Variants in MPHOSPH10 observed in about 807,000 individuals in gnomAD.
The protein encoded by MPHOSPH10 is M-phase phosphoprotein 10.
MPHOSPH10 carries 33 observed loss-of-function variants against 77.3 expected under a neutral mutation model. The observed-to-expected ratio is 0.43, with a 90% CI of 0.32 to 0.57. MPHOSPH10 has a LOEUF of 0.57. Among genes scored for constraint, MPHOSPH10 ranks in the 20% least tolerant of loss-of-function variants. The pLI is 0.07. For synonymous variants in MPHOSPH10, 245 were observed against 268.0 expected (o/e 0.91, Z 0.84); for missense variants, 708 against 780.1 (o/e 0.91, Z 1.10).
chr2:71,140,091 G>T (rs72905527), intron 6 of MPHOSPH10, among the ~76,000 whole-genome samples: 1 of 152,100 alleles, frequency 6.6e-6, no homozygotes, highest in Non-Finnish European at 1.5e-5. Context: ...ATCCTTTCTC[G>T]TGAGTCTTGC....
In MPHOSPH10 at chr2:71,139,778, C is replaced by T. The variant is rs375625954; in HGVS notation, c.1241-17C>T. ...AGTGGATATCTACCTAATGAATAAA[C>T]GTTGTATATCCTTTAGCACCTGTGA... On this transcript the variant is annotated splice_polypyrimidine_tract_variant and intron_variant, in intron 5 of 10. Transcript: ENST00000244230. 12 of 1,577,896 alleles carry T rather than the reference C, an allele frequency of 7.6e-6. No homozygotes were observed. Among genetic ancestry groups the T allele is most frequent in the African/African-American group, 5.4e-5 (4 of 74,216 alleles).
chr2:71,130,637 C>A lies in MPHOSPH10; in HGVS notation c.-29C>A. On this transcript the variant is annotated 5_prime_UTR_variant, in exon 1 of 11. It adds an upstream start codon to the 5' untranslated region. Coordinates refer to ENST00000244230, the MANE Select transcript of MPHOSPH10 (RefSeq NM_005791.3). ...CCGGGCGGCTCCCTTCCCTTGCATG[C>A]TGCATTGTGTCGGGAGTTGCTGACA... is the stretch of plus-strand genomic sequence containing the variant. 6.3e-7 allele frequency: 1 copy of A among 1,589,986 alleles called. No individual in the cohort carries two copies. Among genetic ancestry groups the A allele is most frequent in the Non-Finnish European group, 8.6e-7 (1 of 1,166,538 alleles).
In MPHOSPH10 at chr2:71,143,777, A is replaced by G. The variant is rs1445258863; in HGVS notation, c.1447-651A>G. 3.3e-5 allele frequency among the ~76,000 whole-genome samples: 5 copies of G among 152,278 alleles called. No individual in the cohort carries two copies. The East Asian group carries it at 7.7e-4, about 24-fold the overall frequency. ...TGTGTTTTCAAGACTGGCATTTGTC[A>G]GTGCTTCATTTCTTTTTTATGGTTA... On this transcript the variant is annotated intron_variant, in intron 7 of 10. Coordinates refer to ENST00000244230, the MANE Select transcript of MPHOSPH10 (RefSeq NM_005791.3).
chr2:71,137,615 C>T (rs11886819), intron 4 of MPHOSPH10, among the ~76,000 whole-genome samples: 41,297 of 143,942 alleles, frequency 0.29, 6,036 homozygotes, highest in Admixed American at 0.39. Context: ...GCTGAGATCA[C>T]GCAACTGCTC....
rs1161662619 is a variant in MPHOSPH10 at position 71,130,693 on chromosome 2, A to T, written c.28A>T (p.Thr10Ser). ...GGCGCCGCAGGTCTGGCGTCGACGG[A>T]CCCTGGAGCGGTGTCTGACGGAAGT... MAPQVWRRR[T>S]LERCLTEVGK... The change falls in exon 1 of 11, where the codon ACC becomes TCC. Residue 10 changes from threonine to serine, a missense_variant. Physicochemically the swap from Thr to Ser is moderately conservative, Grantham distance 58. Around this residue, in one of 3 missense-constraint regions of MPHOSPH10, gnomAD observed 433 missense variants for 432.6 expected, o/e 1.00. Transcript: ENST00000244230. 2.5e-6 allele frequency: 4 copies of T among 1,610,432 alleles called. No individual in the cohort carries two copies. In the Admixed American group the frequency reaches 5.0e-5, roughly 20 times the overall value.
chr2:71,132,473 C>A (rs527428767), intron 1 of MPHOSPH10, among the ~76,000 whole-genome samples: 47 of 152,236 alleles, frequency 3.1e-4, no homozygotes, highest in Admixed American at 1.1e-3. Flanking sequence ...TGTTTCCCAA[C>A]CTTTATAAGA....
intron 2 of MPHOSPH10, 72 bp downstream of exon 2, chr2:71,133,648 T>C: frequency 7.1e-7 from 1 of 1,402,112 alleles, no homozygotes; most frequent in Non-Finnish European, 9.7e-7. Flanking sequence ...TAGGAGAGAT[T>C]TAATTGTAGT....
chr2:71,149,241 G>A lies in MPHOSPH10; in HGVS notation c.1684G>A (p.Asp562Asn). The change falls in exon 10 of 11, where the codon GAT (aspartate) becomes AAT (asparagine). Residue 562 changes from aspartate to asparagine, a missense_variant. Physicochemically the swap from Asp to Asn is conservative, Grantham distance 23. This residue lies in a region of MPHOSPH10 where 263 missense variants were observed against 320.0 expected (regional missense o/e 0.82). Coordinates refer to ENST00000244230, the MANE Select transcript of MPHOSPH10 (RefSeq NM_005791.3). The stretch of plus-strand genomic sequence containing the variant: ...TTAATAGGAGAAAAATAAAGCTGGA[G>A]ATATAAAAACAGCTGCTGAAAAAAC... ...EEIKEKNKAG[D>N]IKTAAEKTAT... The A allele has an allele frequency of 6.4e-7, 1 of 1,570,070 alleles. No homozygotes were observed. The highest frequency in any genetic ancestry group is 8.6e-7 in the Non-Finnish European group (1 of 1,159,316).
In MPHOSPH10 at chr2:71,141,363, C is replaced by G. The variant is rs762751423; in HGVS notation, c.1440C>G (p.Leu480=). ...AEIYEQEYIK[L]NQQKTAEEEN... ...TTTATGAACAGGAGTACATCAAACTCAACCAGGTGAGGAAGCCTGTAAGGC... is the reference window on the plus strand; with the variant it reads ...TTTATGAACAGGAGTACATCAAACTGAACCAGGTGAGGAAGCCTGTAAGGC... The change falls in exon 7 of 11, where the codon CTC becomes CTG. Residue 480 remains leucine, a synonymous_variant. Coordinates refer to ENST00000244230, the MANE Select transcript of MPHOSPH10 (RefSeq NM_005791.3). 1.3e-6 allele frequency: 2 copies of G among 1,533,864 alleles called. No individual in the cohort carries two copies. The highest frequency in any genetic ancestry group is 2.6e-5 in the South Asian group (2 of 76,434).
At chr2:71,140,102 T>G (rs1042347792) in intron 6 of MPHOSPH10, among the ~76,000 whole-genome samples, 10 of 152,228 alleles carry the variant, frequency 6.6e-5, no homozygotes, top group Non-Finnish European at 1.5e-4. Context: ...TGAGTCTTGC[T>G]GACCTTTTGG....
At chr2:71,138,982 C>T (rs1309445222) in intron 5 of MPHOSPH10, 17 of 533,764 alleles carry the variant, frequency 3.2e-5, no homozygotes, top group Non-Finnish European at 5.4e-5. Flanking sequence ...TGCAGTGAGC[C>T]AAGGTTGTGC....
rs776516232 is a variant in MPHOSPH10, at chr2:71,141,382, G to A, written c.1446+13G>A. ...CAAACTCAACCAGGTGAGGAAGCCT[G>A]TAAGGCCAAGCCATTATTATTAAAG... is the stretch of plus-strand genomic sequence containing the variant. On this transcript the variant is annotated intron_variant, in intron 7 of 10. Coordinates refer to ENST00000244230, the MANE Select transcript of MPHOSPH10 (RefSeq NM_005791.3). 6.0e-6 allele frequency: 9 copies of A among 1,489,088 alleles called. No individual in the cohort carries two copies. The highest frequency in any genetic ancestry group is 1.5e-5 in the South Asian group (1 of 68,450). 92.2% of individuals were successfully genotyped at this position (1,489,088 alleles called of 1,614,324 possible).
At position 71,130,701 on chromosome 2, in the gene MPHOSPH10, G is replaced by A. The variant is rs760489505; in HGVS notation, c.36G>A (p.Glu12=). 5.0e-6 allele frequency: 8 copies of A among 1,611,082 alleles called. No individual in the cohort carries two copies. Among genetic ancestry groups the A allele is most frequent in the Non-Finnish European group, 6.8e-6 (8 of 1,179,364 alleles). The change falls in exon 1 of 11, where the codon GAG becomes GAA. Residue 12 remains glutamate (E), a synonymous_variant. Transcript: ENST00000244230. Reference sequence around the variant, plus strand: ...AGGTCTGGCGTCGACGGACCCTGGAGCGGTGTCTGACGGAAGTCGGCAAAG... The same window carrying A: ...AGGTCTGGCGTCGACGGACCCTGGAACGGTGTCTGACGGAAGTCGGCAAAG... ...APQVWRRRTL[E]RCLTEVGKAT...
At chr2:71,130,828 T>C in intron 1 of MPHOSPH10, 74 bp downstream of exon 1, 1 of 1,405,282 alleles carries the variant, frequency 7.1e-7, no homozygotes, top group Non-Finnish European at 9.8e-7. Flanking sequence ...CTCCGGCAAA[T>C]TGTGGAGCTG....
intron 1 of MPHOSPH10, 168 bp downstream of exon 1, chr2:71,130,922 T>G: frequency 3.2e-6 from 2 of 622,576 alleles, no homozygotes; most frequent in East Asian, 2.9e-5. Flanking sequence ...TTTTAAAAAC[T>G]GTTAAAATTT....
Position 71,149,244 on chromosome 2 carries a change from A to C in MPHOSPH10, c.1687A>C (p.Ile563Leu). The C allele has an allele frequency of 6.3e-7, 1 of 1,575,046 alleles. No homozygotes were observed. The highest frequency in any genetic ancestry group is 1.2e-5 in the South Asian group (1 of 85,240). The change falls in exon 10 of 11, where the codon ATA becomes CTA. Residue 563 changes from isoleucine to leucine, a missense_variant. This residue lies in a region of MPHOSPH10 where 263 missense variants were observed against 320.0 expected (regional missense o/e 0.82). Transcript: ENST00000244230. ...ATAGGAGAAAAATAAAGCTGGAGAT[A>C]TAAAAACAGCTGCTGAAAAAACAGC... Reference protein sequence around the residue: ...EIKEKNKAGDIKTAAEKTATD... With the variant: ...EIKEKNKAGDLKTAAEKTATD...
At position 71,141,309 on chromosome 2, in the gene MPHOSPH10, T is replaced by A; in HGVS notation, c.1386T>A (p.His462Gln). The change falls in exon 7 of 11, where the codon CAT becomes CAA. Residue 462 changes from histidine (H) to glutamine (Q), a missense_variant. Around this residue, in one of 3 missense-constraint regions of MPHOSPH10, gnomAD observed 263 missense variants for 320.0 expected, o/e 0.82. Transcript: ENST00000244230. ...YEYKKRLTLD[H>Q]EKSKLSLAEI... Reference sequence around the variant, plus strand: ...ATAAAAAGCGTTTAACCTTAGACCATGAGAAGAGTAAATTGAGCCTTGCTG... The same window carrying A: ...ATAAAAAGCGTTTAACCTTAGACCAAGAGAAGAGTAAATTGAGCCTTGCTG... 1 of 1,571,196 alleles carries A rather than the reference T, an allele frequency of 6.4e-7. No individual in the cohort carries two copies. Among genetic ancestry groups the A allele is most frequent in the Non-Finnish European group, 8.6e-7 (1 of 1,160,062 alleles).
chr2:71,144,538 G>A lies in MPHOSPH10; in HGVS notation c.1557G>A (p.Pro519=), dbSNP rs149974821. The A allele has an allele frequency of 7.4e-4, 1,183 of 1,606,020 alleles. 2 individuals are homozygous for A. The highest frequency in any genetic ancestry group is 9.0e-4 in the Non-Finnish European group (1,056 of 1,172,776). Residue 519 remains proline (P), a splice_region_variant and synonymous_variant, in exon 8 of 11, where the codon CCG becomes CCA. Transcript: ENST00000244230. ...CAAACTTCCACTTTATCCCTAAACC[G>A]GTAAGTGTGTTAACAGTTCAGTGTG... is the stretch of plus-strand genomic sequence containing the variant. ...ALSNFHFIPK[P]PVPEIKVVSN... is the part of the protein sequence containing the mutation.
At chr2:71,133,685 GT>G in intron 2 of MPHOSPH10, 109 bp downstream of exon 2, 2 of 1,198,694 alleles carry the variant, frequency 1.7e-6, no homozygotes, top group South Asian at 3.3e-5. Flanking sequence ...AAGAAATATT[GT>G]GCTCTATCTT....
Sources: allele counts gnomAD v4.1 joint callset (sites outside exome capture counted in the v4.1 genomes callset), GRCh38; gene constraint gnomAD v4.1.1; regional missense constraint gnomAD v4.1.1; transcripts MANE v1.5; gene names NCBI Gene and HGNC (gene_info 2026-07-23, HGNC 2026-07-21).